ATM: variants seen among roughly 807,000 people sequenced by gnomAD.
ATM encodes ATM serine/threonine kinase, also known as serine-protein kinase ATM.
A neutral mutation model predicts 387.0 loss-of-function variants in ATM; 308 were observed. The observed-to-expected ratio is 0.80, with a 90% CI of 0.73 to 0.87. The LOEUF (loss-of-function observed/expected upper bound fraction) is 0.87. Among genes scored for constraint, ATM ranks in the 40% least tolerant of loss-of-function variants. The pLI is 0.00. For missense variants in ATM, 3,312 were observed against 3,560.9 expected (o/e 0.93, Z 1.78); for synonymous variants, 1,156 against 1,187.3 (o/e 0.97, Z 0.54).
chr11:108,238,700 A>G (rs1199755366), intron 5 of ATM, among the ~76,000 whole-genome samples: 1 of 152,128 alleles, frequency 6.6e-6, no homozygotes, highest in African/African-American at 2.4e-5. Context: ...CTTTGTAGAC[A>G]AACATGTCTT....
chr11:108,337,601 A>C (rs1398175961), intron 56 of ATM, among the ~76,000 whole-genome samples: 2 of 152,214 alleles, frequency 1.3e-5, no homozygotes, highest in African/African-American at 4.8e-5. Flanking sequence ...TGGTCCAGGG[A>C]CAACACTTTG....
Position 108,294,913 on chromosome 11 carries a change from A to ATTTT in ATM, c.4777-13_4777-10dup. On this transcript the variant is annotated splice_polypyrimidine_tract_variant and intron_variant, in intron 31 of 62. Coordinates refer to ENST00000675843, the MANE Select transcript of ATM (RefSeq NM_000051.4). Reference sequence around the variant, plus strand: ...CCAATACGTGTTAAAAGCAAGTTACATTTTCTCTTTTAGGAAATTAACCAT... The same window carrying ATTTT: ...CCAATACGTGTTAAAAGCAAGTTACATTTTTTTTCTCTTTTAGGAAATTAACCAT... The ATTTT allele has an allele frequency of 6.2e-7, 1 of 1,613,330 alleles. No individual in the cohort carries two copies. The highest frequency in any genetic ancestry group is 2.2e-5 in the East Asian group (1 of 44,780).
intron 6 of ATM, 47 bp from the exon 7 acceptor site, chr11:108,244,741 T>G (rs2079747111): frequency 2.1e-6 from 3 of 1,423,634 alleles, no homozygotes; most frequent in African/African-American, 2.8e-5. Context: ...GTTTGTACAG[T>G]TTGTTCCCCC....
intron 50 of ATM, chr11:108,331,176 T>A (rs1285842523): frequency 8.8e-7 from 1 of 1,135,002 alleles, no homozygotes; most frequent in African/African-American, 1.6e-5. Flanking sequence ...TTAGATTTTT[T>A]GGAATATAAA....
chr11:108,330,440 AAT>A lies in ATM; in HGVS notation c.7515+22_7515+23del, dbSNP rs2136466787. The A allele has an allele frequency of 6.2e-7, 1 of 1,612,458 alleles. No homozygotes were observed. Among genetic ancestry groups the A allele is most frequent in the Non-Finnish European group, 8.5e-7 (1 of 1,178,542 alleles). ...GATGAAGGCAAGTGTTACTCAGCCCAATATTCTACCCTGTGCTTGAAAAACTT... is the reference window on the plus strand; with the variant it reads ...GATGAAGGCAAGTGTTACTCAGCCCAATTCTACCCTGTGCTTGAAAAACTT... On this transcript the variant is annotated intron_variant, in intron 50 of 62. Transcript: ENST00000675843.
At chr11:108,261,502 C>T (rs2080884398) in intron 16 of ATM, among the ~76,000 whole-genome samples, 1 of 151,986 alleles carries the variant, frequency 6.6e-6, no homozygotes, top group Non-Finnish European at 1.5e-5. Context: ...TCATCAAAGA[C>T]CAAAAGTAGA....
intron 34 of ATM, among the ~76,000 whole-genome samples, chr11:108,300,546 C>T (rs1033922082): frequency 6.6e-6 from 1 of 152,074 alleles, no homozygotes; most frequent in Admixed American, 6.6e-5. Context: ...AAGATAAATA[C>T]GTGTTTTGAT....
chr11:108,355,021 T>C, intron 61 of ATM, 147 bp downstream of exon 61: 2 of 698,752 alleles, frequency 2.9e-6, no homozygotes, highest in South Asian at 1.7e-5. Context: ...ATTGTGCACT[T>C]AGCCTTTTCA....
chr11:108,300,354 T>G (rs1430611504), intron 34 of ATM, among the ~76,000 whole-genome samples: 1 of 152,216 alleles, frequency 6.6e-6, no homozygotes, highest in Non-Finnish European at 1.5e-5. Flanking sequence ...TTATTCTCTG[T>G]GCAAAGCAGA....
intron 44 of ATM, among the ~76,000 whole-genome samples, chr11:108,320,886 G>A (rs4988094): frequency 0.018 from 2,717 of 152,222 alleles, 80 homozygotes; most frequent in African/African-American, 0.06. Flanking sequence ...TTTTGTATAA[G>A]TATTATAATA....
intron 44 of ATM, among the ~76,000 whole-genome samples, chr11:108,320,391 G>A (rs1183625105): frequency 2.0e-5 from 3 of 152,052 alleles, no homozygotes; most frequent in South Asian, 2.1e-4. Flanking sequence ...TGTAACTCAC[G>A]GTTAATACTT....
At chr11:108,284,038 A>AT (rs970787679) in intron 25 of ATM, among the ~76,000 whole-genome samples, 189 bp from the exon 26 acceptor site, 5 of 152,008 alleles carry the variant, frequency 3.3e-5, no homozygotes, top group Non-Finnish European at 7.4e-5. Context: ...AAGCTTTCTA[A>AT]TTTTTTTAAT....
At chr11:108,224,311 A>G (rs2078632688) in intron 1 of ATM, 1 of 152,222 alleles carries the variant, frequency 6.6e-6, no homozygotes, top group Non-Finnish European at 1.5e-5. Context: ...TGCCAAGGGC[A>G]GAGTTATTTC....
intron 5 of ATM, 126 bp downstream of exon 5, chr11:108,235,960 A>C: frequency 9.5e-7 from 1 of 1,048,102 alleles, no homozygotes; most frequent in East Asian, 2.5e-5. Flanking sequence ...ACTTTAGTAA[A>C]ATTATATGGT....
At chr11:108,363,566 G>C (rs1398970264) in intron 61 of ATM, among the ~76,000 whole-genome samples, 2 of 152,156 alleles carry the variant, frequency 1.3e-5, no homozygotes, top group South Asian at 2.1e-4. Context: ...GATAGTATTG[G>C]CATCTACTGG....
intron 27 of ATM, among the ~76,000 whole-genome samples, chr11:108,288,345 G>T (rs2082605078): frequency 1.3e-5 from 2 of 152,002 alleles, no homozygotes; most frequent in East Asian, 3.8e-4. Context: ...AAAGTGCTGG[G>T]TCTACAGGCA....
At chr11:108,259,644 C>T (rs1014048876) in intron 16 of ATM, among the ~76,000 whole-genome samples, 1 of 152,282 alleles carries the variant, frequency 6.6e-6, no homozygotes, top group South Asian at 2.1e-4. Context: ...GGGAACGAAT[C>T]ATCCAGGCTC....
chr11:108,236,685 TTAGAA>T (rs1312730649), intron 5 of ATM, among the ~76,000 whole-genome samples: 1 of 152,122 alleles, frequency 6.6e-6, no homozygotes, highest in East Asian at 1.9e-4. Context: ...ATCAAATATA[TTAGAA>T]TAGAATGCAT....
chr11:108,338,797 T>C (rs2087141409), intron 56 of ATM, among the ~76,000 whole-genome samples: 1 of 152,266 alleles, frequency 6.6e-6, no homozygotes, highest in Admixed American at 6.5e-5. Context: ...CCAGTAATGT[T>C]ATTTTGAGAT....
Sources: allele counts gnomAD v4.1 joint callset (sites outside exome capture counted in the v4.1 genomes callset), GRCh38; gene constraint gnomAD v4.1.1; transcripts MANE v1.5; gene names NCBI Gene and HGNC (gene_info 2026-07-23, HGNC 2026-07-21).